The following BAZ2B variants were observed in gnomAD, a reference collection of about 807,000 sequenced individuals.
BAZ2B encodes bromodomain adjacent to zinc finger domain 2B.
In BAZ2B, 91 loss-of-function variants were observed where a neutral mutation model predicts 246.0. That is an observed-to-expected ratio of 0.37 (90% CI 0.31 to 0.44). The LOEUF (loss-of-function observed/expected upper bound fraction) is 0.44, where lower values mean the gene tolerates loss of function less well. BAZ2B is among the 20% of genes least tolerant of loss of function. The pLI is 1.00. For missense variants in BAZ2B, 2,332 were observed against 2,533.7 expected, an observed-to-expected ratio of 0.92 and a Z score of 1.71; for synonymous variants, 855 against 860.0, an observed-to-expected ratio of 0.99 and a Z score of 0.10.
chr2:159,519,210 C>CCTTTTTTT (rs2083779008), intron 2 of BAZ2B, among the ~76,000 whole-genome samples: 1 of 57,770 alleles, frequency 1.7e-5, no homozygotes, highest in Non-Finnish European at 3.4e-5. Flanking sequence ...ATTCTATTTT[C>CCTTTTTTT]TTTTTTTTTT....
chr2:159,315,677 T>G (rs2062039688), downstream of BAZ2B, among the ~76,000 whole-genome samples: 2 of 152,188 alleles, frequency 1.3e-5, no homozygotes, highest in African/African-American at 2.4e-5. Context: ...TATGCCATAT[T>G]AGGTTGGTCA....
chr2:159,615,728 A>T (rs1695899596), intron 1 of BAZ2B: 1 of 152,272 alleles, frequency 6.6e-6, no homozygotes, highest in South Asian at 2.1e-4. Context: ...CGCAACGCTG[A>T]CAGAGGTTGT....
chr2:159,336,961 T>C lies in BAZ2B; in HGVS notation c.5777A>G (p.Glu1926Gly). ...ACTTACAACTTTCATAATTGATTTT[T>C]CCCATGCTATTGATTTCTGTAATTG... ...IQQLQKSIAW[E>G]KSIMKVYCQI... The change falls in exon 33 of 37, where the codon GAA (glutamate) becomes GGA (glycine). Residue 1926 changes from glutamate (E) to glycine (G), a missense_variant. This residue lies in a region of BAZ2B where 53 missense variants were observed against 62.0 expected (regional missense o/e 0.86). Transcript: ENST00000392783. The C allele has an allele frequency of 6.2e-7, 1 of 1,604,052 alleles. No individual in the cohort carries two copies. Among genetic ancestry groups the C allele is most frequent in the East Asian group, 2.2e-5 (1 of 44,816 alleles).
At chr2:159,512,538 G>A (rs929744984) in intron 2 of BAZ2B, among the ~76,000 whole-genome samples, 3 of 151,958 alleles carry the variant, frequency 2.0e-5, no homozygotes, top group East Asian at 1.9e-4. Context: ...AAATAAAGAC[G>A]GTCTCTAAGC....
intron 22 of BAZ2B, among the ~76,000 whole-genome samples, 155 bp from the exon 23 acceptor site, chr2:159,385,524 A>T (rs1369738866): frequency 6.6e-6 from 1 of 152,110 alleles, no homozygotes; most frequent in East Asian, 1.9e-4. Context: ...AATAGTCAAT[A>T]GAAGACAGAC....
downstream of BAZ2B, among the ~76,000 whole-genome samples, chr2:159,315,321 C>T (rs1408447713): frequency 2.0e-5 from 3 of 152,080 alleles, no homozygotes; most frequent in Non-Finnish European, 4.4e-5. Flanking sequence ...GTGGTTTAAA[C>T]CAACAATAAA....
intron 2 of BAZ2B, among the ~76,000 whole-genome samples, chr2:159,551,466 CAA>C (rs57418948): frequency 0.06 from 4,252 of 71,112 alleles, 43 homozygotes; most frequent in African/African-American, 0.14. Flanking sequence ...GACTCAGACT[CAA>C]AAAAAAAAAA....
At chr2:159,684,137 C>T in the BAZ2B span, among the ~76,000 whole-genome samples, 1 of 152,190 alleles carries the variant, frequency 6.6e-6, no homozygotes, top group African/African-American at 2.4e-5. Flanking sequence ...CCATGTTGTT[C>T]TATTTTCAGT....
intron 2 of BAZ2B, among the ~76,000 whole-genome samples, chr2:159,536,522 G>A (rs2086011865): frequency 1.3e-5 from 2 of 152,208 alleles, no homozygotes; most frequent in Non-Finnish European, 2.9e-5. Flanking sequence ...GTGGCAATCA[G>A]ATCAGAGTGT....
intron 1 of BAZ2B, among the ~76,000 whole-genome samples, chr2:159,581,921 G>C (rs1223598567): frequency 9.0e-6 from 1 of 111,238 alleles, no homozygotes; most frequent in Non-Finnish European, 1.7e-5. Flanking sequence ...AGGGCCTGTC[G>C]GGTGGGGGGA....
rs1187202989 is a variant in BAZ2B, at chr2:159,438,320, C to T, written c.1276G>A (p.Glu426Lys). ...TAACTCACCCGTTTGGATCTCAATT[C>T]ACTGGTCAATAAACTAGATTCTTCA... is the stretch of plus-strand genomic sequence containing the variant. ...TSEESSLLTSELRSKREQYKQ... is the reference protein window; with the variant it reads ...TSEESSLLTSKLRSKREQYKQ... The change falls in exon 8 of 37, where the codon GAA (glutamate) becomes AAA (lysine). Residue 426 changes from glutamate to lysine, a missense_variant. Glu to Lys is a moderately conservative substitution (Grantham distance 56). This residue lies in a region of BAZ2B where 651 missense variants were observed against 650.9 expected (regional missense o/e 1.00). Transcript: ENST00000392783. 6.2e-7 allele frequency: 1 copy of T among 1,613,184 alleles called. No individual in the cohort carries two copies. The highest frequency in any genetic ancestry group is 8.5e-7 in the Non-Finnish European group (1 of 1,179,764).
intron 25 of BAZ2B, among the ~76,000 whole-genome samples, chr2:159,381,326 T>A (rs1378837191): frequency 6.6e-6 from 1 of 152,048 alleles, no homozygotes; most frequent in Admixed American, 6.6e-5. Flanking sequence ...AATAATCATT[T>A]CCTGTCTTCA....
the BAZ2B span, among the ~76,000 whole-genome samples, chr2:159,683,910 C>T: frequency 2.6e-4 from 39 of 152,172 alleles, no homozygotes; most frequent in Non-Finnish European, 1.3e-4. Context: ...TAAGGTAACA[C>T]TTTCAGGTTC....
At chr2:159,456,865 G>A (rs1166504318) in intron 3 of BAZ2B, among the ~76,000 whole-genome samples, 1 of 152,058 alleles carries the variant, frequency 6.6e-6, no homozygotes, top group Admixed American at 6.6e-5. Flanking sequence ...AAATACCCAC[G>A]TGAAAGACTT....
At chr2:159,408,365 C>T (rs2066285624) in intron 14 of BAZ2B, among the ~76,000 whole-genome samples, 2 of 152,128 alleles carry the variant, frequency 1.3e-5, no homozygotes, top group Admixed American at 1.3e-4. Context: ...TTTTTGTGGT[C>T]TTGCTTTATT....
At chr2:159,709,390 T>C in the BAZ2B span, among the ~76,000 whole-genome samples, 1 of 152,118 alleles carries the variant, frequency 6.6e-6, no homozygotes, top group African/African-American at 2.4e-5. Context: ...TGTTTGATAA[T>C]AGAGTAGAAT....
chr2:159,573,274 T>C (rs1684460835), intron 1 of BAZ2B, among the ~76,000 whole-genome samples: 2 of 152,176 alleles, frequency 1.3e-5, no homozygotes. Flanking sequence ...TACAAAGCTA[T>C]AGTAATCAAA....
chr2:159,532,679 C>A (rs1284137290), intron 2 of BAZ2B, among the ~76,000 whole-genome samples: 1 of 152,180 alleles, frequency 6.6e-6, no homozygotes, highest in Non-Finnish European at 1.5e-5. Context: ...ACCACTAACT[C>A]ACCTGTAGTT....
the BAZ2B span, among the ~76,000 whole-genome samples, chr2:159,628,396 G>A: frequency 1.7e-4 from 26 of 152,166 alleles, no homozygotes; most frequent in South Asian, 3.5e-3. Flanking sequence ...AGCTGTAGGC[G>A]TCACGCTACC....
Sources: allele counts gnomAD v4.1 joint callset (sites outside exome capture counted in the v4.1 genomes callset), GRCh38; gene constraint gnomAD v4.1.1; regional missense constraint gnomAD v4.1.1; transcripts MANE v1.5; gene names NCBI Gene and HGNC (gene_info 2026-07-23, HGNC 2026-07-21).